Variants in PCDHGB3 observed in about 807,000 individuals in gnomAD.
PCDHGB3 encodes the protein protocadherin gamma subfamily B, 3, also known as protocadherin gamma-B3.
In PCDHGB3, 40 loss-of-function variants were observed where a neutral mutation model predicts 59.2. The observed-to-expected ratio is 0.68, with a 90% CI of 0.52 to 0.88. PCDHGB3 has a LOEUF of 0.88. PCDHGB3 is among the 40% of genes least tolerant of loss of function. The pLI, the probability that PCDHGB3 is intolerant of heterozygous loss-of-function variation, is 0.00. For synonymous variants in PCDHGB3, 581 were observed against 503.6 expected (o/e 1.15, Z -2.06); for missense variants, 1,309 against 1,187.9 (o/e 1.10, Z -1.50).
chr5:141,387,829 G>T, intron 1 of PCDHGB3: 2 of 1,591,770 alleles, frequency 1.3e-6, no homozygotes, highest in South Asian at 2.3e-5. Flanking sequence ...CAATACAGAG[G>T]TTATTTGTAA....
chr5:141,371,461 T>C lies in PCDHGB3; in HGVS notation c.1067T>C (p.Ile356Thr), dbSNP rs1314971655. 2.5e-6 allele frequency: 4 copies of C among 1,613,960 alleles called. No homozygotes were observed. Among genetic ancestry groups the C allele is most frequent in the Middle Eastern group, 1.6e-4 (1 of 6,062 alleles). The change falls in exon 1 of 4, where the codon ATA (isoleucine) becomes ACA (threonine). Residue 356 changes from isoleucine (I) to threonine (T), a missense_variant. Physicochemically the swap from Ile to Thr is moderately conservative, Grantham distance 89 (BLOSUM62 -1). Coordinates refer to ENST00000576222, the MANE Select transcript of PCDHGB3 (RefSeq NM_018924.5). ...ACCCTGGCTTCTGAATCCCAACATA[T>C]ACAAGAAGATGCTGAGCTGGGGACT... The part of the protein sequence containing the change: ...EITLASESQH[I>T]QEDAELGTAV...
intron 1 of PCDHGB3, chr5:141,385,554 T>C (rs2090283366): frequency 7.6e-7 from 1 of 1,314,354 alleles, no homozygotes; most frequent in Non-Finnish European, 9.7e-7. Context: ...TATCACATTT[T>C]ATAATTTCCA....
intron 1 of PCDHGB3, chr5:141,415,585 C>T: frequency 6.2e-7 from 1 of 1,613,900 alleles, no homozygotes; most frequent in Non-Finnish European, 8.5e-7. Context: ...TTCGAAGTTT[C>T]CTATAGAGGA....
chr5:141,390,518 T>G (rs1045172175), intron 1 of PCDHGB3: 1 of 570,806 alleles, frequency 1.8e-6, no homozygotes, highest in Non-Finnish European at 3.0e-6. Flanking sequence ...TATAAAGCAA[T>G]GAGGGTGTGG....
In PCDHGB3 at chr5:141,399,312, A is replaced by C. The variant is rs142753281; in HGVS notation, c.2415+26503A>C. 774 of 1,613,972 alleles carry C rather than the reference A, an allele frequency of 4.8e-4. 4 individuals carry two copies. The African/African-American group carries it at 8.9e-3, about 19-fold the overall frequency. ...CTTTTAAGATTATCTCTTCATCCAAAAATTCGTATAAGTTGGTAACAGATG... is the reference window on the plus strand; with the variant it reads ...CTTTTAAGATTATCTCTTCATCCAACAATTCGTATAAGTTGGTAACAGATG... On this transcript the variant is annotated intron_variant, in intron 1 of 3. Transcript: ENST00000576222.
chr5:141,503,912 AAC>A lies in PCDHGB3; in HGVS notation c.2475-1471_2475-1470del, dbSNP rs34419983. Among the ~76,000 whole-genome samples, 284 of 152,278 alleles carry A rather than the reference AAC, an allele frequency of 1.9e-3. 1 individual carries two copies. The highest frequency in any genetic ancestry group is 0.014 in the Middle Eastern group (4 of 292). Reference sequence around the variant, plus strand: ...GACAAAATATGCACACACACAACGCAACACACACACAGACATTTTCATGCCTT... The same window carrying A: ...GACAAAATATGCACACACACAACGCAACACACACAGACATTTTCATGCCTT... On this transcript the variant is annotated intron_variant, in intron 2 of 3. Coordinates refer to ENST00000576222, the MANE Select transcript of PCDHGB3 (RefSeq NM_018924.5).
chr5:141,430,910 G>C, intron 1 of PCDHGB3: 2 of 1,608,040 alleles, frequency 1.2e-6, no homozygotes, highest in South Asian at 1.1e-5. Context: ...CATCTCCAGG[G>C]ACCTGGGGCT....
At chr5:141,376,334 C>A (rs11575955) in intron 1 of PCDHGB3, 21,352 of 1,614,178 alleles carry the variant, frequency 0.013, 167 homozygotes, top group Non-Finnish European at 0.016. Flanking sequence ...GGCTTTCCTG[C>A]AGACCTATTC....
chr5:141,461,845 C>CA (rs2099025049), intron 1 of PCDHGB3, among the ~76,000 whole-genome samples: 1 of 151,000 alleles, frequency 6.6e-6, no homozygotes. Context: ...TTTTTTGAGA[C>CA]AGAGTTTTGC....
Position 141,487,494 on chromosome 5 carries a change from C to A in PCDHGB3, c.2416-7313C>A, listed in dbSNP as rs116370895. On this transcript the variant is annotated intron_variant, in intron 1 of 3. Transcript: ENST00000576222. The surrounding 1 kb of genome is among the most constrained non-coding windows in gnomAD (Gnocchi z 5.0). The stretch of plus-strand genomic sequence containing the variant: ...GGAGGCCACTCTCATGGCTGTACAC[C>A]CTTGGCTTCTGCACCCACTCGGAGT... 1,421 of 1,614,120 alleles carry A rather than the reference C, an allele frequency of 8.8e-4. 3 individuals are homozygous for A. Among genetic ancestry groups the A allele is most frequent in the Non-Finnish European group, 1.2e-3 (1,358 of 1,180,034 alleles).
intron 1 of PCDHGB3, chr5:141,400,772 G>T: frequency 1.8e-6 from 1 of 570,264 alleles, no homozygotes. Context: ...AAAACATTTG[G>T]TGCGTTTTTT....
At chr5:141,410,170 C>A in intron 1 of PCDHGB3, 1 of 1,613,828 alleles carries the variant, frequency 6.2e-7, no homozygotes, top group African/African-American at 1.3e-5. Context: ...CACTCTCTGC[C>A]ACCGCCACGC....
rs73279071 is a variant in PCDHGB3 at position 141,386,620 on chromosome 5, C to G, written c.2415+13811C>G. 8.3e-3 allele frequency among the ~76,000 whole-genome samples: 1,265 copies of G among 151,666 alleles called. 17 individuals carry two copies. The highest frequency in any genetic ancestry group is 0.029 in the African/African-American group (1,203 of 41,334). On this transcript the variant is annotated intron_variant, in intron 1 of 3. Transcript: ENST00000576222. ...ATTTTTTTTTTTTGACATGGAGTCTCGCTCTGTCACCCAGGCTGGATACAT... is the reference window on the plus strand; with the variant it reads ...ATTTTTTTTTTTTGACATGGAGTCTGGCTCTGTCACCCAGGCTGGATACAT...
intron 1 of PCDHGB3, chr5:141,384,766 A>T (rs1277766667): frequency 6.2e-7 from 1 of 1,613,916 alleles, no homozygotes; most frequent in South Asian, 1.1e-5. Context: ...TGGGCTGTAC[A>T]CGGGCGAGGT....
intron 1 of PCDHGB3, chr5:141,374,379 G>C (rs1163047741): frequency 6.2e-7 from 1 of 1,614,042 alleles, no homozygotes; most frequent in Admixed American, 1.7e-5. Context: ...TGTGCTCAGA[G>C]CCCGCGGTGT....
rs1290682140 is a variant in PCDHGB3 at position 141,431,692 on chromosome 5, G to A, written c.2415+58883G>A. 1 of 1,614,132 alleles carries A rather than the reference G, an allele frequency of 6.2e-7. No homozygotes were observed. The highest frequency in any genetic ancestry group is 2.2e-5 in the East Asian group (1 of 44,888). On this transcript the variant is annotated intron_variant, in intron 1 of 3. Transcript: ENST00000576222. The surrounding 1 kb of genome is among the most constrained non-coding windows in gnomAD (Gnocchi z 4.8). The stretch of plus-strand genomic sequence containing the variant: ...CAATAGGGGAGTTGGACCACGAGGA[G>A]TCAGGATTCTACCAGATGGAAGTGC...
intron 1 of PCDHGB3, chr5:141,478,160 G>GC (rs764598056): frequency 3.7e-6 from 6 of 1,613,948 alleles, no homozygotes. Flanking sequence ...CTCTGGCTCT[G>GC]CCCCCCGGGA....
chr5:141,414,958 G>T, intron 1 of PCDHGB3: 2 of 1,614,024 alleles, frequency 1.2e-6, no homozygotes, highest in East Asian at 2.2e-5. Context: ...GGTGACCAAG[G>T]TGGTGGCGGT....
intron 2 of PCDHGB3, among the ~76,000 whole-genome samples, chr5:141,503,100 G>A (rs563699751): frequency 6.6e-6 from 1 of 151,592 alleles, no homozygotes; most frequent in South Asian, 2.1e-4. Context: ...TGGTCTGCCC[G>A]CCCCTGCCTC....
Sources: allele counts gnomAD v4.1 joint callset (sites outside exome capture counted in the v4.1 genomes callset), GRCh38; gene constraint gnomAD v4.1.1; non-coding constraint Gnocchi (gnomAD v3.1); transcripts MANE v1.5; gene names NCBI Gene and HGNC (gene_info 2026-07-23, HGNC 2026-07-21).